CADPS2: variants seen among roughly 807,000 people sequenced by gnomAD.
The protein encoded by CADPS2 is calcium dependent secretion activator 2, also known as calcium-dependent secretion activator 2.
In CADPS2, 93 loss-of-function variants were observed where a neutral mutation model predicts 172.5. That is an observed-to-expected ratio of 0.54 (90% CI 0.46 to 0.64). CADPS2 has a LOEUF of 0.64. Among genes scored for constraint, CADPS2 ranks in the 30% least tolerant of loss-of-function variants. The pLI is 0.00. For synonymous variants in CADPS2, 546 were observed against 555.2 expected (o/e 0.98, Z 0.23); for missense variants, 1,420 against 1,565.9 (o/e 0.91, Z 1.57).
intron 1 of CADPS2, among the ~76,000 whole-genome samples, chr7:122,798,791 G>C (rs963676060): frequency 2.0e-5 from 3 of 151,922 alleles, no homozygotes; most frequent in East Asian, 3.9e-4. Context: ...AGTAATGTTT[G>C]AGTTTTCCTG....
At chr7:122,836,257 C>A (rs918266295) in intron 1 of CADPS2, among the ~76,000 whole-genome samples, 8 of 151,892 alleles carry the variant, frequency 5.3e-5, no homozygotes, top group Non-Finnish European at 8.8e-5. Context: ...CCAGGCCTGC[C>A]CTAAAAGAGC....
At chr7:122,620,143 T>C (rs1440572588) in intron 5 of CADPS2, among the ~76,000 whole-genome samples, 2 of 152,250 alleles carry the variant, frequency 1.3e-5, no homozygotes, top group East Asian at 3.9e-4. Flanking sequence ...TTCGTAAGAC[T>C]GTATTTACTT....
At chr7:122,738,216 G>A (rs917551993) in intron 1 of CADPS2, among the ~76,000 whole-genome samples, 2 of 152,040 alleles carry the variant, frequency 1.3e-5, no homozygotes, top group Non-Finnish European at 2.9e-5. Context: ...TTAATTTGTA[G>A]GGCCCAGTGC....
intron 7 of CADPS2, among the ~76,000 whole-genome samples, chr7:122,569,996 C>G (rs1338029837): frequency 1.3e-5 from 2 of 149,750 alleles, no homozygotes; most frequent in Admixed American, 6.7e-5. Flanking sequence ...TCTAAAACAC[C>G]AAAAGCAATG....
intron 1 of CADPS2, among the ~76,000 whole-genome samples, chr7:122,752,830 T>C (rs1009645246): frequency 8.5e-5 from 13 of 152,172 alleles, no homozygotes; most frequent in East Asian, 1.9e-4. Context: ...CAAAAAAGAA[T>C]AGGACGCATC....
intron 27 of CADPS2, among the ~76,000 whole-genome samples, chr7:122,357,735 T>C (rs1456814313): frequency 5.5e-4 from 84 of 152,182 alleles, no homozygotes; most frequent in Non-Finnish European, 2.9e-5. Flanking sequence ...AATCATACAG[T>C]ATGCAGCCTT....
chr7:122,535,615 G>A (rs2062182528), intron 8 of CADPS2, among the ~76,000 whole-genome samples: 1 of 152,002 alleles, frequency 6.6e-6, no homozygotes. Flanking sequence ...TTATCCTATT[G>A]ATATTGACCA....
chr7:122,663,977 C>A (rs965600982), intron 2 of CADPS2, among the ~76,000 whole-genome samples: 3 of 150,996 alleles, frequency 2.0e-5, no homozygotes, highest in African/African-American at 7.3e-5. Flanking sequence ...GAAGCAGGTC[C>A]TCACAGACAC....
intron 2 of CADPS2, among the ~76,000 whole-genome samples, chr7:122,717,379 T>C (rs1162592311): frequency 6.6e-6 from 1 of 152,146 alleles, no homozygotes; most frequent in Non-Finnish European, 1.5e-5. Context: ...TAATTATTCC[T>C]GCATTTTTCA....
At chr7:122,740,968 C>A (rs1006219108) in intron 1 of CADPS2, among the ~76,000 whole-genome samples, 7 of 152,108 alleles carry the variant, frequency 4.6e-5, no homozygotes, top group African/African-American at 9.7e-5. Flanking sequence ...TTGGAATCAG[C>A]AATTCCACTT....
intron 17 of CADPS2, chr7:122,424,041 G>C (rs2048855007): frequency 6.6e-6 from 1 of 152,144 alleles, no homozygotes; most frequent in Non-Finnish European, 1.5e-5. Flanking sequence ...AGATAGGATA[G>C]TGTCCACATT....
chr7:122,625,509 C>G (rs1465682188), intron 4 of CADPS2, among the ~76,000 whole-genome samples: 2 of 152,140 alleles, frequency 1.3e-5, no homozygotes, highest in Non-Finnish European at 2.9e-5. Context: ...GTAGGTAGGT[C>G]TCATTCACTC....
chr7:122,787,620 T>A (rs1794347093), intron 1 of CADPS2, among the ~76,000 whole-genome samples: 1 of 152,202 alleles, frequency 6.6e-6, no homozygotes, highest in South Asian at 2.1e-4. Context: ...TCCTGGAAGA[T>A]GAAAACCACA....
intron 1 of CADPS2, among the ~76,000 whole-genome samples, chr7:122,845,153 C>T (rs1392546018): frequency 3.3e-5 from 5 of 152,102 alleles, no homozygotes; most frequent in African/African-American, 1.2e-4. Flanking sequence ...GGATAATAAA[C>T]ATAAAAGATC....
At chr7:122,846,858 A>T (rs1812124474) in intron 1 of CADPS2, among the ~76,000 whole-genome samples, 1 of 152,290 alleles carries the variant, frequency 6.6e-6, no homozygotes, top group East Asian at 1.9e-4. Context: ...CCTGCAGCAA[A>T]TCTCTACCAA....
At chr7:122,382,000 G>A (rs2043069499) in intron 24 of CADPS2, among the ~76,000 whole-genome samples, 1 of 152,106 alleles carries the variant, frequency 6.6e-6, no homozygotes, top group African/African-American at 2.4e-5. Context: ...CTGTGCAGTT[G>A]GTGGAGGTCG....
intron 12 of CADPS2, among the ~76,000 whole-genome samples, chr7:122,478,937 T>C (rs2056995937): frequency 1.3e-5 from 2 of 152,090 alleles, no homozygotes; most frequent in South Asian, 4.1e-4. Flanking sequence ...TAAAGTATAA[T>C]AAAAATATAT....
chr7:122,396,424 T>C (rs1444926065), intron 20 of CADPS2, among the ~76,000 whole-genome samples: 2 of 152,204 alleles, frequency 1.3e-5, no homozygotes, highest in Non-Finnish European at 2.9e-5. Flanking sequence ...TAATATTTCC[T>C]CTGCCAATCC....
intron 7 of CADPS2, among the ~76,000 whole-genome samples, chr7:122,563,615 G>C (rs2066032167): frequency 6.6e-6 from 1 of 151,782 alleles, no homozygotes; most frequent in South Asian, 2.1e-4. Flanking sequence ...ATTTAGTTTT[G>C]TTCTTAATCT....
Sources: allele counts gnomAD v4.1 joint callset (sites outside exome capture counted in the v4.1 genomes callset), GRCh38; gene constraint gnomAD v4.1.1; transcripts MANE v1.5; gene names NCBI Gene and HGNC (gene_info 2026-07-23, HGNC 2026-07-21).